ZC3H3: variants seen among roughly 807,000 people sequenced by gnomAD.
ZC3H3 encodes the protein zinc finger CCCH-type containing 3, also known as zinc finger CCCH domain-containing protein 3.
In ZC3H3, 36 loss-of-function variants were observed where a neutral mutation model predicts 77.3. That is an observed-to-expected ratio of 0.47 (90% CI 0.36 to 0.61). ZC3H3 has a LOEUF of 0.61. Ranked by LOEUF, ZC3H3 falls within the 20% of genes least tolerant of loss-of-function variation. The pLI is 0.00. For missense variants in ZC3H3, 1,331 were observed against 1,312.2 expected, an observed-to-expected ratio of 1.01 and a Z score of -0.22; for synonymous variants, 626 against 555.2, an observed-to-expected ratio of 1.13 and a Z score of -1.79.
intron 9 of ZC3H3, among the ~76,000 whole-genome samples, chr8:143,442,898 C>T (rs574524698): frequency 1.1e-4 from 17 of 152,316 alleles, no homozygotes; most frequent in South Asian, 8.3e-4. Context: ...CTGAAATTCA[C>T]AAATGACTCA....
Position 143,451,476 on chromosome 8 carries a change from G to A in ZC3H3, c.2308-10356C>T, listed in dbSNP as rs79207375. Among the ~76,000 whole-genome samples the A allele has an allele frequency of 1.5e-3, 221 of 152,158 alleles. 1 individual carries two copies. The highest frequency in any genetic ancestry group is 4.7e-3 in the African/African-American group (194 of 41,540). ...CATACGTTGAAAACCTCAGTAAAAC[G>A]GATCCACTTCTGGGGGAAAATAAGC... is the stretch of plus-strand genomic sequence containing the variant. On this transcript the variant is annotated intron_variant, in intron 9 of 11. Transcript: ENST00000262577.
At chr8:143,505,159 C>T (rs1821649509) in intron 4 of ZC3H3, among the ~76,000 whole-genome samples, 1 of 152,234 alleles carries the variant, frequency 6.6e-6, no homozygotes, top group African/African-American at 2.4e-5. Flanking sequence ...GCCAGCCCCT[C>T]CAGGGATGGG....
rs1400599917 is a variant in ZC3H3 at position 143,468,417 on chromosome 8, G to A, written c.2070C>T (p.Tyr690=). 12 of 1,612,094 alleles carry A rather than the reference G, an allele frequency of 7.4e-6. No individual in the cohort carries two copies. Among genetic ancestry groups the A allele is most frequent in the Admixed American group, 3.3e-5 (2 of 59,928 alleles). The change falls in exon 7 of 12, where the codon TAC becomes TAT. Residue 690 remains tyrosine, a synonymous_variant. Transcript: ENST00000262577. ...GRCNRGERCP[Y]IHDPEKVAVC... is the part of the protein sequence containing the mutation. ...CGGCCACCTTCTCGGGATCGTGGATGTAGGGGCAGCGCTCGCCACGGTTGC... is the reference window on the plus strand; with the variant it reads ...CGGCCACCTTCTCGGGATCGTGGATATAGGGGCAGCGCTCGCCACGGTTGC...
rs1000530085 is a variant in ZC3H3, at chr8:143,533,583, C to T, written c.1561+2674G>A. Among the ~76,000 whole-genome samples, 12 of 152,090 alleles carry T rather than the reference C, an allele frequency of 7.9e-5. No individual in the cohort carries two copies. Among genetic ancestry groups the T allele is most frequent in the African/African-American group, 1.9e-4 (8 of 41,406 alleles). On this transcript the variant is annotated intron_variant, in intron 3 of 11. Coordinates refer to ENST00000262577, the MANE Select transcript of ZC3H3 (RefSeq NM_015117.3). This position sits in a 1 kb window ranked among gnomAD's most constrained non-coding sequence, Gnocchi z 4.0. ...TGCCAGGCACAGTGACTCAACCACG[C>T]TTGCCAGTTGGGCCAGTGGTGGGCA...
At chr8:143,440,447 T>G in intron 10 of ZC3H3, 84 bp from the exon 11 acceptor site, 1 of 1,463,062 alleles carries the variant, frequency 6.8e-7, no homozygotes, top group South Asian at 1.4e-5. Flanking sequence ...CTTGGCTGCT[T>G]CCTGCTCCCG....
chr8:143,515,173 C>A (rs1821994202), intron 3 of ZC3H3, among the ~76,000 whole-genome samples: 1 of 152,250 alleles, frequency 6.6e-6, no homozygotes, highest in Non-Finnish European at 1.5e-5. Context: ...GATCCGGAAG[C>A]CCAGCCTCTG....
At chr8:143,515,317 C>A (rs969167798) in intron 3 of ZC3H3, among the ~76,000 whole-genome samples, 1 of 152,268 alleles carries the variant, frequency 6.6e-6, no homozygotes, top group Non-Finnish European at 1.5e-5. Context: ...CTCCATCATG[C>A]CAGCCAGGCA....
intron 10 of ZC3H3, 89 bp downstream of exon 10, chr8:143,440,847 C>T (rs1819721538): frequency 2.0e-5 from 26 of 1,285,028 alleles, no homozygotes; most frequent in Non-Finnish European, 2.5e-5. Context: ...CTGGAGTTGG[C>T]GGGAGCTCAA....
At chr8:143,459,377 C>G (rs13265464) in intron 9 of ZC3H3, among the ~76,000 whole-genome samples, 10,044 of 152,180 alleles carry the variant, frequency 0.066, 365 homozygotes, top group Non-Finnish European at 0.079. Context: ...GCGAAACCCG[C>G]GTCTCTACTA....
intron 3 of ZC3H3, among the ~76,000 whole-genome samples, chr8:143,513,538 G>T (rs1480294441): frequency 2.0e-5 from 3 of 152,198 alleles, no homozygotes; most frequent in Non-Finnish European, 4.4e-5. Flanking sequence ...TGGAGAAACA[G>T]CCATGAAAAC....
intron 9 of ZC3H3, among the ~76,000 whole-genome samples, chr8:143,455,840 G>A (rs1393528699): frequency 6.6e-6 from 1 of 151,858 alleles, no homozygotes; most frequent in Non-Finnish European, 1.5e-5. Flanking sequence ...AGGCGTGGTG[G>A]TACACACCTG....
At chr8:143,518,363 G>A (rs763458096) in intron 3 of ZC3H3, among the ~76,000 whole-genome samples, 68 of 152,194 alleles carry the variant, frequency 4.5e-4, no homozygotes, top group Non-Finnish European at 7.9e-4. Flanking sequence ...CGGAGACCCA[G>A]CTCCGCCATG....
chr8:143,538,659 G>A lies in ZC3H3; in HGVS notation c.708C>T (p.Pro236=), dbSNP rs750398273. Residue 236 remains proline (P), a synonymous_variant, in exon 2 of 12, where the codon CCC becomes CCT. Transcript: ENST00000262577. ...VKASFPSSAL[P]PRTGVALGRK... is the part of the protein sequence containing the mutation. ...GGCCCAGGGCCACGCCAGTGCGTGG[G>A]GGCAGAGCGGAGGATGGGAAGCTCG... 7.5e-5 allele frequency: 120 copies of A among 1,608,298 alleles called. No individual in the cohort carries two copies. The highest frequency in any genetic ancestry group is 9.7e-5 in the Non-Finnish European group (115 of 1,179,966).
intron 3 of ZC3H3, among the ~76,000 whole-genome samples, chr8:143,519,876 G>C (rs950921342): frequency 2.6e-5 from 4 of 152,168 alleles, no homozygotes; most frequent in Non-Finnish European, 5.9e-5. Flanking sequence ...TGCCCTGTGG[G>C]AAGCCACGGC....
intron 3 of ZC3H3, among the ~76,000 whole-genome samples, chr8:143,527,129 G>A (rs1196574619): frequency 6.6e-6 from 1 of 152,210 alleles, no homozygotes; most frequent in Non-Finnish European, 1.5e-5. Flanking sequence ...GGGTTAGCAG[G>A]TGGTGACAGA....
intron 4 of ZC3H3, among the ~76,000 whole-genome samples, chr8:143,499,609 G>A (rs1821463194): frequency 6.6e-6 from 1 of 151,880 alleles, no homozygotes; most frequent in Non-Finnish European, 1.5e-5. Flanking sequence ...CATTTTCACA[G>A]CATTCAGGGC....
chr8:143,537,990 C>T lies in ZC3H3; in HGVS notation c.1364+13G>A. On this transcript the variant is annotated intron_variant, in intron 2 of 11. Coordinates refer to ENST00000262577, the MANE Select transcript of ZC3H3 (RefSeq NM_015117.3). ...GCCCCTCACACTCTACCGCAGCCGG[C>T]CGGGATGCCCACCTTGTGCTGCTGC... 1 of 1,585,078 alleles carries T rather than the reference C, an allele frequency of 6.3e-7. No individual in the cohort carries two copies. The highest frequency in any genetic ancestry group is 1.2e-5 in the South Asian group (1 of 86,498).
intron 6 of ZC3H3, 21 bp downstream of exon 6, chr8:143,468,596 T>C (rs1194371729): frequency 6.3e-7 from 1 of 1,576,874 alleles, no homozygotes; most frequent in Non-Finnish European, 8.6e-7. Flanking sequence ...GCCCACCCAC[T>C]GCCCAGCCCA....
intron 9 of ZC3H3, among the ~76,000 whole-genome samples, chr8:143,452,968 G>T (rs190448219): frequency 6.6e-5 from 10 of 152,222 alleles, no homozygotes; most frequent in African/African-American, 2.2e-4. Context: ...CCTCAGACAG[G>T]ATAGACCAAA....
Sources: gnomAD v4.1 joint callset for allele counts (sites outside exome capture counted in the v4.1 genomes callset) on GRCh38, gnomAD v4.1.1 for gene constraint, Gnocchi (gnomAD v3.1) non-coding constraint, MANE v1.5 for transcripts, NCBI Gene and HGNC (gene_info 2026-07-23, HGNC 2026-07-21) for gene names.